Variants in FAT3 observed in about 807,000 individuals in gnomAD.
FAT3 encodes protocadherin Fat 3.
Under a neutral mutation model 310.2 loss-of-function variants are expected in FAT3, and 95 were observed. That is an observed-to-expected ratio of 0.31 (90% CI 0.26 to 0.36). The LOEUF (loss-of-function observed/expected upper bound fraction) is 0.36, where lower values mean the gene tolerates loss of function less well. Ranked by LOEUF, FAT3 falls within the 10% of genes least tolerant of loss-of-function variation. The probability of loss-of-function intolerance (pLI) is 1.00; values close to 1 mark genes in which losing one functional copy is unlikely to be tolerated. For missense variants in FAT3, 5,408 were observed against 5,715.6 expected, an observed-to-expected ratio of 0.95 and a Z score of 1.74; for synonymous variants, 2,314 against 2,192.9, an observed-to-expected ratio of 1.06 and a Z score of -1.54.
At chr11:92,561,089 A>G (rs185719907) in intron 3 of FAT3, among the ~76,000 whole-genome samples, 2 of 152,324 alleles carry the variant, frequency 1.3e-5, no homozygotes, top group Non-Finnish European at 2.9e-5. Flanking sequence ...TCTGTGGGAA[A>G]GAAAATTTTC....
At chr11:92,475,835 A>G (rs184625161) in intron 2 of FAT3, among the ~76,000 whole-genome samples, 1 of 152,182 alleles carries the variant, frequency 6.6e-6, no homozygotes, top group African/African-American at 2.4e-5. Flanking sequence ...TCAAATATAA[A>G]TTTAAATTTA....
intron 7 of FAT3, among the ~76,000 whole-genome samples, chr11:92,777,091 C>T (rs911894494): frequency 9.8e-5 from 15 of 152,302 alleles, no homozygotes; most frequent in Admixed American, 6.5e-4. Flanking sequence ...CCATGCATGA[C>T]GCTGGGCAAC....
intron 20 of FAT3, among the ~76,000 whole-genome samples, chr11:92,857,882 G>GA (rs921130308): frequency 1.2e-3 from 177 of 150,338 alleles, no homozygotes; most frequent in African/African-American, 3.4e-3. Context: ...GCATCTTAAG[G>GA]AAAAAAAAAT....
At chr11:92,593,737 G>A (rs1939560734) in intron 3 of FAT3, among the ~76,000 whole-genome samples, 1 of 152,134 alleles carries the variant, frequency 6.6e-6, no homozygotes, top group Non-Finnish European at 1.5e-5. Flanking sequence ...GGAGTCCCAA[G>A]ATTATGAGCA....
chr11:92,801,812 G>A lies in FAT3; in HGVS notation c.8799G>A (p.Val2933=). The change falls in exon 10 of 28, where the codon GTG becomes GTA. Residue 2933 remains valine (V), a synonymous_variant. Transcript: ENST00000525166. ...CGCAGGAAGTGTACCGAGGGAATGT[G>A]AAGGAGAGCGACCCACCGGGCGAGG... The part of the protein sequence containing the change: ...VFAQEVYRGN[V]KESDPPGEVV... The A allele has an allele frequency of 1.9e-6, 3 of 1,613,868 alleles. No individual in the cohort carries two copies. The highest frequency in any genetic ancestry group is 1.3e-5 in the African/African-American group (1 of 75,006).
intron 2 of FAT3, among the ~76,000 whole-genome samples, chr11:92,522,202 T>C (rs920586497): frequency 1.3e-5 from 2 of 152,140 alleles, no homozygotes; most frequent in African/African-American, 2.4e-5. Flanking sequence ...GACAGCTTAG[T>C]TCCCTGTCAC....
chr11:92,890,379 A>G (rs1949889849), intron 27 of FAT3, 112 bp from the exon 28 acceptor site: 1 of 1,291,762 alleles, frequency 7.7e-7, no homozygotes, highest in African/African-American at 1.5e-5. Context: ...TAAGCTTCTT[A>G]GGGTTTCTTG....
At chr11:92,480,863 A>G (rs1427658138) in intron 2 of FAT3, among the ~76,000 whole-genome samples, 1 of 152,296 alleles carries the variant, frequency 6.6e-6, no homozygotes, top group Non-Finnish European at 1.5e-5. Flanking sequence ...GATTTCATGA[A>G]TGGGACAGTA....
intron 1 of FAT3, among the ~76,000 whole-genome samples, chr11:92,262,522 C>T (rs1169508464): frequency 6.6e-6 from 1 of 152,076 alleles, no homozygotes; most frequent in Non-Finnish European, 1.5e-5. Context: ...CAGGTCAGAA[C>T]TCAGAAAAGA....
chr11:92,271,751 C>T (rs916104694), intron 1 of FAT3, among the ~76,000 whole-genome samples: 3 of 152,180 alleles, frequency 2.0e-5, no homozygotes, highest in African/African-American at 7.2e-5. Context: ...CTTTGATATG[C>T]TGGGCTTAGT....
chr11:92,751,005 G>A (rs765498643), intron 4 of FAT3, among the ~76,000 whole-genome samples: 6 of 152,266 alleles, frequency 3.9e-5, no homozygotes, highest in Non-Finnish European at 8.8e-5. Context: ...GTGGCCTCCA[G>A]GTGCAGCTGG....
At chr11:92,551,896 AG>A (rs1954833921) in intron 3 of FAT3, among the ~76,000 whole-genome samples, 1 of 152,226 alleles carries the variant, frequency 6.6e-6, no homozygotes, top group African/African-American at 2.4e-5. Context: ...ATGTTTCTCC[AG>A]GCAAATAATG....
intron 6 of FAT3, among the ~76,000 whole-genome samples, chr11:92,773,435 A>G (rs1040979576): frequency 6.6e-6 from 1 of 152,176 alleles, no homozygotes; most frequent in African/African-American, 2.4e-5. Context: ...AATAATTTAC[A>G]CTACCAAGAT....
chr11:92,366,639 G>T, intron 2 of FAT3: 1 of 534,226 alleles, frequency 1.9e-6, no homozygotes, highest in Non-Finnish European at 3.8e-6. Flanking sequence ...TCAGCTCCAT[G>T]ATAGCCTCTT....
intron 3 of FAT3, among the ~76,000 whole-genome samples, chr11:92,677,168 C>G (rs1204575407): frequency 2.0e-5 from 3 of 152,226 alleles, no homozygotes; most frequent in African/African-American, 7.2e-5. Flanking sequence ...GCCTTGTTCT[C>G]TGCGCTCTAG....
chr11:92,418,349 A>T (rs1436803055), intron 2 of FAT3, among the ~76,000 whole-genome samples: 2 of 151,902 alleles, frequency 1.3e-5, no homozygotes, highest in African/African-American at 2.4e-5. Flanking sequence ...GCTAGAAAAA[A>T]ATACTTTAAA....
chr11:92,337,097 C>A (rs1426307836), intron 1 of FAT3, among the ~76,000 whole-genome samples: 1 of 152,128 alleles, frequency 6.6e-6, no homozygotes, highest in African/African-American at 2.4e-5. Context: ...GAAACACAAA[C>A]CTTTAAGTTA....
intron 3 of FAT3, among the ~76,000 whole-genome samples, chr11:92,604,961 T>TA (rs1390139199): frequency 6.6e-6 from 1 of 152,246 alleles, no homozygotes; most frequent in Non-Finnish European, 1.5e-5. Context: ...GCGTGATGCT[T>TA]ATGAAGATAA....
In FAT3 at chr11:92,850,066, C is replaced by T. The variant is rs766528578; in HGVS notation, c.11365+5334C>T. Among the ~76,000 whole-genome samples the T allele has an allele frequency of 4.3e-4, 66 of 152,126 alleles. 1 individual carries two copies. Among genetic ancestry groups the T allele is most frequent in the Admixed American group, 4.3e-3 (66 of 15,272 alleles). ...GGTAGTCAGACACTTAAAACATGTT[C>T]GTGATGTGTTTTTATATAGCAGAGA... On this transcript the variant is annotated intron_variant, in intron 19 of 27. Transcript: ENST00000525166.
Sources: gnomAD v4.1 joint callset for allele counts (sites outside exome capture counted in the v4.1 genomes callset) on GRCh38, gnomAD v4.1.1 for gene constraint, MANE v1.5 for transcripts, NCBI Gene and HGNC (gene_info 2026-07-23, HGNC 2026-07-21) for gene names.